Variants in CHST3 observed in about 807,000 individuals in gnomAD.
CHST3 encodes C6ST-1.
A neutral mutation model predicts 35.4 loss-of-function variants in CHST3; 20 were observed. The observed-to-expected ratio is 0.57, with a 90% CI of 0.40 to 0.82. The LOEUF is 0.82. CHST3 is among the 40% of genes least tolerant of loss of function. The pLI, the probability that CHST3 is intolerant of heterozygous loss-of-function variation, is 0.00. For missense variants in CHST3, 693 were observed against 670.1 expected (o/e 1.03, Z -0.38); for synonymous variants, 334 against 295.9 (o/e 1.13, Z -1.32).
intron 1 of CHST3, among the ~76,000 whole-genome samples, chr10:71,969,479 C>T (rs556777326): frequency 7.7e-4 from 118 of 152,322 alleles, no homozygotes; most frequent in African/African-American, 2.7e-3. Flanking sequence ...GTACAGATGT[C>T]CATAGAACGG....
At chr10:71,975,348 C>T (rs1033448943) in intron 1 of CHST3, among the ~76,000 whole-genome samples, 2 of 152,260 alleles carry the variant, frequency 1.3e-5, no homozygotes, top group African/African-American at 4.8e-5. Context: ...AACTGTCCAA[C>T]TCCAGATGTG....
chr10:71,970,643 C>T (rs953915293), intron 1 of CHST3, among the ~76,000 whole-genome samples: 1 of 152,162 alleles, frequency 6.6e-6, no homozygotes, highest in Admixed American at 6.5e-5. Context: ...CCCAGCTCAG[C>T]CCTGCTCCCT....
At position 72,007,561 on chromosome 10, in the gene CHST3, GGGGCGCCAACGCCGC is replaced by G; in HGVS notation, c.535_549del (p.Ala179_Gly183del). The G allele has an allele frequency of 6.2e-7, 1 of 1,607,172 alleles. No individual in the cohort carries two copies. The highest frequency in any genetic ancestry group is 1.3e-5 in the African/African-American group (1 of 75,010). ...GAGCGCACAGTGTCCTTCGAGCCGGGGGGCGCCAACGCCGCGGGCTCGGCCCTGGTGTACCGCGAC... is the reference window on the plus strand; with the variant it reads ...GAGCGCACAGTGTCCTTCGAGCCGGGGGGCTCGGCCCTGGTGTACCGCGAC... On this transcript the variant is annotated inframe_deletion, in exon 3 of 3. Transcript: ENST00000373115.
chr10:71,978,658 C>T (rs1291919501), intron 1 of CHST3, among the ~76,000 whole-genome samples: 2 of 152,180 alleles, frequency 1.3e-5, no homozygotes, highest in Non-Finnish European at 2.9e-5. Flanking sequence ...AGGTGCTGTC[C>T]TTATACTCTT....
intron 1 of CHST3, among the ~76,000 whole-genome samples, chr10:71,992,285 C>T (rs1481272278): frequency 6.6e-6 from 1 of 151,962 alleles, no homozygotes; most frequent in Admixed American, 6.6e-5. Context: ...CTTGGCAATG[C>T]CCCGACCTCA....
intron 1 of CHST3, among the ~76,000 whole-genome samples, chr10:71,973,308 T>C (rs554966112): frequency 2.0e-5 from 3 of 152,320 alleles, no homozygotes; most frequent in Non-Finnish European, 4.4e-5. Context: ...TCCTGCCACT[T>C]GTCTGCCTGC....
intron 1 of CHST3, among the ~76,000 whole-genome samples, chr10:71,990,862 A>G (rs983479339): frequency 3.3e-5 from 5 of 152,232 alleles, no homozygotes; most frequent in African/African-American, 1.2e-4. Flanking sequence ...TCCTTCAGAA[A>G]GGACACTCCC....
At chr10:72,000,984 C>T (rs528958499) in intron 1 of CHST3, among the ~76,000 whole-genome samples, 1 of 152,070 alleles carries the variant, frequency 6.6e-6, no homozygotes, top group Admixed American at 6.5e-5. Flanking sequence ...TTGTGGACGC[C>T]GTCGGGAGCA....
intron 2 of CHST3, among the ~76,000 whole-genome samples, chr10:72,006,798 G>A (rs1247696068): frequency 1.3e-5 from 2 of 152,118 alleles, no homozygotes; most frequent in Admixed American, 6.5e-5. Flanking sequence ...TGTGCCTATT[G>A]GGTTCTACTG....
chr10:72,007,442 C>T lies in CHST3; in HGVS notation c.411C>T (p.Leu137=). 6.2e-7 allele frequency: 1 copy of T among 1,604,004 alleles called. No individual in the cohort carries two copies. The highest frequency in any genetic ancestry group is 8.5e-7 in the Non-Finnish European group (1 of 1,179,560). Residue 137 remains leucine, a synonymous_variant, in exon 3 of 3, where the codon CTC becomes CTT. Transcript: ENST00000373115. ...CGGGGCCCCGGCGCCACGTGCTGCTCATGGCCACCACGCGCACCGGCTCCT... is the reference window on the plus strand; with the variant it reads ...CGGGGCCCCGGCGCCACGTGCTGCTTATGGCCACCACGCGCACCGGCTCCT... ...AVAGPRRHVL[L]MATTRTGSSF...
At chr10:71,971,849 C>G (rs1265648498) in intron 1 of CHST3, among the ~76,000 whole-genome samples, 2 of 152,086 alleles carry the variant, frequency 1.3e-5, no homozygotes, top group Non-Finnish European at 2.9e-5. Flanking sequence ...GAAGAGGCCC[C>G]GAGAATAGAA....
chr10:71,995,728 A>C (rs1011658122), intron 1 of CHST3, among the ~76,000 whole-genome samples: 1 of 152,162 alleles, frequency 6.6e-6, no homozygotes, highest in African/African-American at 2.4e-5. Flanking sequence ...CAGAACACAG[A>C]CATTTATCGA....
chr10:72,007,406 ACCGGCCGTGGCGGGG>A lies in CHST3; in HGVS notation c.378_392del (p.Ala127_Pro131del), dbSNP rs759056378. On this transcript the variant is annotated inframe_deletion, in exon 3 of 3. Transcript: ENST00000373115. The stretch of plus-strand genomic sequence containing the variant: ...AGAGAAAGGAGGAGGAGCCGCCCAG[ACCGGCCGTGGCGGGG>A]CCCCGGCGCCACGTGCTGCTCATGG... 6.2e-7 allele frequency: 1 copy of A among 1,605,918 alleles called. No homozygotes were observed.
At chr10:71,987,714 C>CAAAA (rs386371790) in intron 1 of CHST3, among the ~76,000 whole-genome samples, 9,054 of 88,582 alleles carry the variant, frequency 0.1, 1,476 homozygotes, top group African/African-American at 0.35. Context: ...GAGACTGTCT[C>CAAAA]AAAAAAAAAA....
chr10:71,997,363 G>A (rs1160196100), intron 1 of CHST3, among the ~76,000 whole-genome samples: 2 of 152,098 alleles, frequency 1.3e-5, no homozygotes, highest in East Asian at 1.9e-4. Flanking sequence ...GGGAGCATCC[G>A]TGTGGAAGAG....
chr10:71,967,516 T>C (rs1839643549), intron 1 of CHST3, among the ~76,000 whole-genome samples: 1 of 152,252 alleles, frequency 6.6e-6, no homozygotes, highest in Admixed American at 6.5e-5. Flanking sequence ...CATTCTCTTT[T>C]ATGGCTACAT....
At chr10:71,979,121 G>C (rs1839775466) in intron 1 of CHST3, among the ~76,000 whole-genome samples, 1 of 152,188 alleles carries the variant, frequency 6.6e-6, no homozygotes, top group Admixed American at 6.5e-5. Context: ...GGTGAAAAGT[G>C]ATATGAATGG....
At chr10:71,975,656 G>C (rs1490072624) in intron 1 of CHST3, among the ~76,000 whole-genome samples, 1 of 152,244 alleles carries the variant, frequency 6.6e-6, no homozygotes, top group Non-Finnish European at 1.5e-5. Flanking sequence ...GGGGGCGCCT[G>C]TCCTGGCATT....
intron 1 of CHST3, among the ~76,000 whole-genome samples, chr10:71,996,426 C>CG (rs1839939050): frequency 1.1e-5 from 1 of 87,692 alleles, no homozygotes; most frequent in African/African-American, 9.6e-5. Flanking sequence ...TCTCTACCAA[C>CG]CCCCCCCCAA....
Sources: allele counts gnomAD v4.1 joint callset (sites outside exome capture counted in the v4.1 genomes callset), GRCh38; gene constraint gnomAD v4.1.1; transcripts MANE v1.5; gene names NCBI Gene and HGNC (gene_info 2026-07-23, HGNC 2026-07-21).